The following CHIC1 variants were observed in gnomAD, a reference collection of about 807,000 sequenced individuals.
CHIC1 encodes cysteine-rich hydrophobic domain-containing protein 1.
CHIC1 carries 7 observed loss-of-function variants against 18.5 expected under a neutral mutation model. That is an observed-to-expected ratio of 0.38 (90% CI 0.22 to 0.71). The LOEUF (loss-of-function observed/expected upper bound fraction) is 0.71, where lower values mean the gene tolerates loss of function less well. Among genes scored for constraint, CHIC1 ranks in the 30% least tolerant of loss-of-function variants. The pLI, the probability that CHIC1 is intolerant of heterozygous loss-of-function variation, is 0.49. For synonymous variants in CHIC1, 77 were observed against 73.5 expected, an observed-to-expected ratio of 1.05 and a Z score of -0.25; for missense variants, 159 against 176.9, an observed-to-expected ratio of 0.90 and a Z score of 0.57.
intron 3 of CHIC1, among the ~76,000 whole-genome samples, chrX:73,651,439 G>C (rs1268742398): frequency 9.0e-6 from 1 of 111,087 alleles, no homozygotes; most frequent in Non-Finnish European, 1.9e-5. Context: ...AAGTCAAACT[G>C]TCTCTGTTTG....
At chrX:73,584,639 A>G (rs2057544706) in intron 3 of CHIC1, 67 bp downstream of exon 3, 5 of 813,812 alleles carry the variant, frequency 6.1e-6, no homozygotes, top group African/African-American at 2.0e-5. Flanking sequence ...ACTATGTGCT[A>G]TGAACTCTTT....
chrX:73,658,559 C>A (rs2057963555), intron 3 of CHIC1, among the ~76,000 whole-genome samples: 1 of 106,444 alleles, frequency 9.4e-6, no homozygotes, highest in South Asian at 4.1e-4. Context: ...AGGTAGAATT[C>A]TATTTTATTA....
chrX:73,563,424 A>G lies in CHIC1; in HGVS notation c.140A>G (p.Asp47Gly). The G allele has an allele frequency of 8.6e-7, 1 of 1,159,941 alleles. No homozygotes were observed. The highest frequency in any genetic ancestry group is 2.6e-5 in the Admixed American group (1 of 38,095). Residue 47 changes from aspartate to glycine, a missense_variant, in exon 1 of 6, where the codon GAT becomes GGT. Physicochemically the swap from Asp to Gly is moderately conservative, Grantham distance 94. Transcript: ENST00000373502. Reference sequence around the variant, plus strand: ...TCTGGGCCCGACGATGACGAGGAGGATGAGGAGGAAGAGGAGGAAGAGGAG... The same window carrying G: ...TCTGGGCCCGACGATGACGAGGAGGGTGAGGAGGAAGAGGAGGAAGAGGAG... ...SVSGPDDDEEDEEEEEEEEEE... is the reference protein window; with the variant it reads ...SVSGPDDDEEGEEEEEEEEEE...
At chrX:73,674,913 C>T (rs1340081844) in intron 3 of CHIC1, among the ~76,000 whole-genome samples, 22 of 111,465 alleles carry the variant, frequency 2.0e-4, no homozygotes, top group African/African-American at 4.9e-4. Context: ...TGAATGTGTC[C>T]CAGAGATTCT....
chrX:73,647,970 C>T lies in CHIC1; in HGVS notation c.508-31356C>T, dbSNP rs185407100. 2.2e-4 allele frequency among the ~76,000 whole-genome samples: 25 copies of T among 111,617 alleles called. No homozygotes were observed. The East Asian group carries it at 7.1e-3, about 32-fold the overall frequency. On this transcript the variant is annotated intron_variant, in intron 3 of 5. Transcript: ENST00000373502. ...TATACAGGAGCAATTCTACTGACAT[C>T]AGGTCAATGTCCCTTGAGATCAGAG...
At chrX:73,646,623 T>C (rs2057890729) in intron 3 of CHIC1, among the ~76,000 whole-genome samples, 1 of 112,220 alleles carries the variant, frequency 8.9e-6, no homozygotes, top group Non-Finnish European at 1.9e-5. Context: ...TTAATTTCTT[T>C]CTTAGTTTGT....
chrX:73,584,079 A>G (rs2057540778), intron 2 of CHIC1, among the ~76,000 whole-genome samples: 1 of 110,930 alleles, frequency 9.0e-6, no homozygotes, highest in Non-Finnish European at 1.9e-5. Flanking sequence ...TTTTACTCAG[A>G]ATGACTAGAG....
At chrX:73,648,352 G>A (rs2057899417) in intron 3 of CHIC1, among the ~76,000 whole-genome samples, 1 of 112,104 alleles carries the variant, frequency 8.9e-6, no homozygotes, top group Non-Finnish European at 1.9e-5. Context: ...ACACAGAACT[G>A]GACAGAGAAT....
At chrX:73,619,330 G>A (rs1362239828) in intron 3 of CHIC1, among the ~76,000 whole-genome samples, 3 of 110,873 alleles carry the variant, frequency 2.7e-5, no homozygotes, top group African/African-American at 9.8e-5. Context: ...CCTATCTGCC[G>A]TTTTTCTTTC....
Position 73,683,012 on chromosome X carries a change from AT to A in CHIC1, c.*2014del, listed in dbSNP as rs1226679232. ...TTAAGTGTTGATCCTTAGAAATCTTATTTTTTTCTATAACCTTAGAATTTGA... is the reference window on the plus strand; with the variant it reads ...TTAAGTGTTGATCCTTAGAAATCTTATTTTTTCTATAACCTTAGAATTTGA... On this transcript the variant is annotated 3_prime_UTR_variant, in exon 6 of 6. Transcript: ENST00000373502. 9.0e-6 allele frequency: 1 copy of A among 110,831 alleles called. No homozygotes were observed. Among genetic ancestry groups the A allele is most frequent in the Non-Finnish European group, 1.9e-5 (1 of 52,638 alleles). The allele number at this position is 110,831 out of a possible 1,213,427, so 9.1% of individuals were successfully genotyped here.
At chrX:73,597,580 T>C (rs1198812664) in intron 3 of CHIC1, among the ~76,000 whole-genome samples, 3 of 106,246 alleles carry the variant, frequency 2.8e-5, no homozygotes, top group East Asian at 2.9e-4. Context: ...ATTATATATA[T>C]ACATATATAC....
chrX:73,644,548 C>A (rs994915108), intron 3 of CHIC1, among the ~76,000 whole-genome samples: 11 of 112,506 alleles, frequency 9.8e-5, no homozygotes, highest in Admixed American at 9.3e-5. Flanking sequence ...TCAAGCTTCC[C>A]GGCTGCTTTG....
chrX:73,615,407 A>G (rs1416472029), intron 3 of CHIC1, among the ~76,000 whole-genome samples: 1 of 111,586 alleles, frequency 9.0e-6, no homozygotes, highest in Non-Finnish European at 1.9e-5. Context: ...TGGACGTGGC[A>G]AAGACAATGG....
intron 3 of CHIC1, among the ~76,000 whole-genome samples, chrX:73,630,250 T>C (rs187975715): frequency 4.5e-5 from 5 of 111,612 alleles, no homozygotes; most frequent in Non-Finnish European, 9.4e-5. Flanking sequence ...TTAATTAACT[T>C]ATTTATTTAC....
chrX:73,627,975 A>T (rs1225485981), intron 3 of CHIC1, among the ~76,000 whole-genome samples: 1 of 111,502 alleles, frequency 9.0e-6, no homozygotes, highest in African/African-American at 3.3e-5. Context: ...GCTGCTGGTT[A>T]TTTCGAGTTC....
At chrX:73,670,612 A>G (rs1311064791) in intron 3 of CHIC1, among the ~76,000 whole-genome samples, 1 of 109,046 alleles carries the variant, frequency 9.2e-6, no homozygotes, top group Non-Finnish European at 1.9e-5. Context: ...ATTTCTTTCT[A>G]TCTCATATTC....
At chrX:73,589,005 G>C (rs1332050723) in intron 3 of CHIC1, among the ~76,000 whole-genome samples, 1 of 109,624 alleles carries the variant, frequency 9.1e-6, no homozygotes, top group South Asian at 3.8e-4. Flanking sequence ...TTTTGGTCTT[G>C]TTCATTTTTT....
intron 3 of CHIC1, among the ~76,000 whole-genome samples, chrX:73,627,020 A>G (rs1191276360): frequency 1.8e-5 from 2 of 109,717 alleles, no homozygotes; most frequent in East Asian, 2.9e-4. Flanking sequence ...TCCTGAGCCT[A>G]CTAACCCTGT....
chrX:73,682,034 A>T lies in CHIC1; in HGVS notation c.*1029A>T, dbSNP rs1382781382. 9.0e-6 allele frequency: 1 copy of T among 111,574 alleles called. No individual in the cohort carries two copies. Among genetic ancestry groups the T allele is most frequent in the East Asian group, 2.8e-4 (1 of 3,572 alleles). The allele number at this position is 111,574 out of a possible 1,213,427, so 9.2% of individuals were successfully genotyped here. On this transcript the variant is annotated 3_prime_UTR_variant, in exon 6 of 6. Coordinates refer to ENST00000373502, the MANE Select transcript of CHIC1 (RefSeq NM_001039840.4). ...TTTCAGACATCTTCAGAAGGTATCTAGACCCTCTTGAAAGCCACTAACACC... is the reference window on the plus strand; with the variant it reads ...TTTCAGACATCTTCAGAAGGTATCTTGACCCTCTTGAAAGCCACTAACACC...
Sources: allele counts gnomAD v4.1 joint callset (sites outside exome capture counted in the v4.1 genomes callset), GRCh38; gene constraint gnomAD v4.1.1; transcripts MANE v1.5; gene names NCBI Gene and HGNC (gene_info 2026-07-23, HGNC 2026-07-21).